The following IMMP2L variants were observed in gnomAD, a reference collection of about 807,000 sequenced individuals.
IMMP2L encodes the protein mitochondrial inner membrane protease subunit 2.
Under a neutral mutation model 19.3 loss-of-function variants are expected in IMMP2L, and 18 were observed. The ratio of observed to expected loss-of-function variants is 0.93; its 90% CI spans 0.64 to 1.38. The LOEUF (loss-of-function observed/expected upper bound fraction) is 1.38, where lower values mean the gene tolerates loss of function less well. Ranked by LOEUF, IMMP2L falls within the 40% of genes most tolerant of loss-of-function variation. IMMP2L has a pLI of 0.00. For missense variants in IMMP2L, 233 were observed against 218.2 expected (o/e 1.07, Z -0.43); for synonymous variants, 76 against 73.0 (o/e 1.04, Z -0.21).
intron 5 of IMMP2L, among the ~76,000 whole-genome samples, chr7:110,701,841 C>A (rs576977705): frequency 1.3e-5 from 2 of 152,170 alleles, no homozygotes; most frequent in African/African-American, 4.8e-5. Context: ...GCTCTAACAC[C>A]AGATTTCCTA....
At chr7:111,330,588 C>T (rs1415733530) in intron 3 of IMMP2L, among the ~76,000 whole-genome samples, 1 of 151,212 alleles carries the variant, frequency 6.6e-6, no homozygotes, top group East Asian at 1.9e-4. Context: ...AGGAAAAATC[C>T]TCAGGGAATC....
chr7:111,193,823 TATTTTA>T (rs1809169148), intron 3 of IMMP2L, among the ~76,000 whole-genome samples: 1 of 152,214 alleles, frequency 6.6e-6, no homozygotes, highest in African/African-American at 2.4e-5. Flanking sequence ...TAATATTACT[TATTTTA>T]CCTATTATTT....
chr7:111,123,543 A>T lies in IMMP2L; in HGVS notation c.240-159978T>A. ...TTAAAGTACCCCATGTTGCTCTTCAAAAAGTTGTAAATCTCAAATTTTTGG... is the reference window on the plus strand; with the variant it reads ...TTAAAGTACCCCATGTTGCTCTTCATAAAGTTGTAAATCTCAAATTTTTGG... On this transcript the variant is annotated intron_variant, in intron 3 of 5. Transcript: ENST00000405709. This position sits in a 1 kb window ranked among gnomAD's most constrained non-coding sequence, Gnocchi z 6.4. 1 of 1,613,894 alleles carries T rather than the reference A, an allele frequency of 6.2e-7. No homozygotes were observed.
intron 3 of IMMP2L, among the ~76,000 whole-genome samples, chr7:111,095,121 G>T (rs2129578544): frequency 6.6e-6 from 1 of 152,072 alleles, no homozygotes; most frequent in East Asian, 1.9e-4. Context: ...AAAAACACAT[G>T]ACACAGCTTC....
At chr7:110,705,253 A>G (rs554266431) in intron 5 of IMMP2L, among the ~76,000 whole-genome samples, 1 of 152,326 alleles carries the variant, frequency 6.6e-6, no homozygotes, top group Admixed American at 6.5e-5. Flanking sequence ...AAACAGTTAT[A>G]TTAGAGGAAA....
chr7:110,695,105 T>C (rs559424375), intron 5 of IMMP2L, among the ~76,000 whole-genome samples: 22 of 152,166 alleles, frequency 1.4e-4, no homozygotes, highest in African/African-American at 5.1e-4. Flanking sequence ...GAGGTTTCCT[T>C]TGGGGTAATG....
At chr7:110,749,916 G>T (rs1038397713) in intron 5 of IMMP2L, among the ~76,000 whole-genome samples, 1 of 151,668 alleles carries the variant, frequency 6.6e-6, no homozygotes, top group Non-Finnish European at 1.5e-5. Context: ...AAAAACAATT[G>T]CCATTATGTT....
intron 3 of IMMP2L, among the ~76,000 whole-genome samples, chr7:111,358,290 A>G (rs1389794567): frequency 6.6e-6 from 1 of 151,576 alleles, no homozygotes; most frequent in Non-Finnish European, 1.5e-5. Context: ...ATAACCAGGA[A>G]CTGAGGATAA....
chr7:111,461,913 T>G (rs1840169556), intron 3 of IMMP2L, among the ~76,000 whole-genome samples: 1 of 152,000 alleles, frequency 6.6e-6, no homozygotes, highest in Non-Finnish European at 1.5e-5. Flanking sequence ...GCCACTATAA[T>G]GTTGAGTTTT....
chr7:111,116,645 G>C (rs1056353537), intron 3 of IMMP2L, among the ~76,000 whole-genome samples: 2 of 152,086 alleles, frequency 1.3e-5, no homozygotes, highest in Admixed American at 1.3e-4. Flanking sequence ...AAGATTCAGA[G>C]AGCGATGTGA....
chr7:111,553,742 C>G (rs4446666), intron 1 of IMMP2L, among the ~76,000 whole-genome samples: 120,957 of 152,070 alleles, frequency 0.8, 49,979 homozygotes, highest in East Asian at 0.97. Flanking sequence ...TAAAATATAT[C>G]ATCAAAATGC....
intron 3 of IMMP2L, among the ~76,000 whole-genome samples, chr7:111,360,585 A>C (rs891446248): frequency 2.0e-5 from 3 of 152,110 alleles, no homozygotes; most frequent in Admixed American, 6.6e-5. Flanking sequence ...TTGGAAGCTG[A>C]GGTAGAAGGA....
At chr7:110,680,317 T>C (rs1205137392) in intron 5 of IMMP2L, among the ~76,000 whole-genome samples, 1 of 152,166 alleles carries the variant, frequency 6.6e-6, no homozygotes, top group Admixed American at 6.6e-5. Context: ...TTCCAAACTA[T>C]TGCTACATGT....
chr7:111,421,267 C>CTTTTTTTTTTTTT (rs1227013257), intron 3 of IMMP2L, among the ~76,000 whole-genome samples: 3 of 122,916 alleles, frequency 2.4e-5, no homozygotes, highest in Non-Finnish European at 5.1e-5. Context: ...TTGTTTTTTT[C>CTTTTTTTTTTTTT]TTTTTTTTTT....
Position 110,691,491 on chromosome 7 carries a change from C to G in IMMP2L, c.409-27770G>C, listed in dbSNP as rs751534650. 2.0e-5 allele frequency among the ~76,000 whole-genome samples: 3 copies of G among 152,056 alleles called. No individual in the cohort carries two copies. The South Asian group carries it at 6.2e-4, about 31-fold the overall frequency. ...CTAATTAAACTAAACAGCTTCTGCA[C>G]AGCAAAAGAAATAATCATTAGACTA... On this transcript the variant is annotated intron_variant, in intron 5 of 5. Transcript: ENST00000405709.
intron 3 of IMMP2L, among the ~76,000 whole-genome samples, chr7:111,430,967 C>T (rs973008392): frequency 3.3e-5 from 5 of 151,598 alleles, no homozygotes; most frequent in African/African-American, 9.8e-5. Context: ...ATTAGTCAGA[C>T]GTGGTGGTGA....
At chr7:111,290,827 A>AACACACACACACAC (rs541375499) in intron 3 of IMMP2L, among the ~76,000 whole-genome samples, 6 of 135,014 alleles carry the variant, frequency 4.4e-5, no homozygotes, top group African/African-American at 1.3e-4. Context: ...TATATATACA[A>AACACACACACACAC]ACACACACAC....
intron 4 of IMMP2L, among the ~76,000 whole-genome samples, chr7:110,955,040 G>T (rs571046953): frequency 1.3e-5 from 2 of 151,678 alleles, no homozygotes; most frequent in Non-Finnish European, 2.9e-5. Context: ...TTTTTTAATC[G>T]ACATTTTTCA....
At chr7:110,839,116 G>T in intron 5 of IMMP2L, among the ~76,000 whole-genome samples, 1 of 151,990 alleles carries the variant, frequency 6.6e-6, no homozygotes, top group East Asian at 1.9e-4. Flanking sequence ...CTTAATATAT[G>T]AAAATACAGA....
Sources: gnomAD v4.1 joint callset for allele counts (sites outside exome capture counted in the v4.1 genomes callset) on GRCh38, gnomAD v4.1.1 for gene constraint, Gnocchi (gnomAD v3.1) non-coding constraint, MANE v1.5 for transcripts, NCBI Gene and HGNC (gene_info 2026-07-23, HGNC 2026-07-21) for gene names.